The following CREB5 variants were observed in gnomAD, a reference collection of about 807,000 sequenced individuals.
CREB5 encodes the protein cyclic AMP-responsive element-binding protein 5.
In CREB5, 19 loss-of-function variants were observed where a neutral mutation model predicts 57.1. That is an observed-to-expected ratio of 0.33 (90% CI 0.23 to 0.49). The LOEUF is 0.49. CREB5 is among the 20% of genes least tolerant of loss of function. The pLI is 0.99. For synonymous variants in CREB5, 238 were observed against 238.3 expected, an observed-to-expected ratio of 1.00 and a Z score of 0.01; for missense variants, 579 against 671.6, an observed-to-expected ratio of 0.86 and a Z score of 1.52.
At chr7:28,551,982 TCTC>T (rs1296656514) in intron 4 of CREB5, among the ~76,000 whole-genome samples, 126 of 103,010 alleles carry the variant, frequency 1.2e-3, no homozygotes, top group South Asian at 1.6e-3. Context: ...TCTTTCTCTC[TCTC>T]TTTCTCTCTT....
intron 7 of CREB5, among the ~76,000 whole-genome samples, chr7:28,798,822 C>G (rs1253121333): frequency 6.6e-6 from 1 of 152,164 alleles, no homozygotes; most frequent in African/African-American, 2.4e-5. Context: ...GGTTTTATAG[C>G]TGAAAAATAT....
intron 7 of CREB5, among the ~76,000 whole-genome samples, chr7:28,728,680 C>T (rs561975111): frequency 6.6e-6 from 1 of 152,284 alleles, no homozygotes; most frequent in Admixed American, 6.5e-5. Context: ...TGAAGATGAT[C>T]TTTGCATCGT....
chr7:28,810,875 T>G (rs917569061), intron 9 of CREB5, among the ~76,000 whole-genome samples: 3 of 152,108 alleles, frequency 2.0e-5, no homozygotes, highest in Admixed American at 2.0e-4. Context: ...AAATTGAAAG[T>G]ATATAAGGAA....
At chr7:28,715,254 T>C (rs1213994152) in intron 5 of CREB5, among the ~76,000 whole-genome samples, 3 of 152,234 alleles carry the variant, frequency 2.0e-5, no homozygotes, top group Non-Finnish European at 4.4e-5. Context: ...GGAAACCCTG[T>C]ACGGCAAGTT....
intron 7 of CREB5, among the ~76,000 whole-genome samples, chr7:28,725,706 G>A (rs1356296293): frequency 6.6e-6 from 1 of 151,318 alleles, no homozygotes; most frequent in Non-Finnish European, 1.5e-5. Flanking sequence ...AAAATGAACT[G>A]TGAAGGTACT....
chr7:28,621,371 A>G (rs1045451959), intron 5 of CREB5, among the ~76,000 whole-genome samples: 2 of 152,216 alleles, frequency 1.3e-5, no homozygotes, highest in African/African-American at 4.8e-5. Context: ...GCCCCAAAAT[A>G]GATTTTAAAC....
chr7:28,811,418 C>CA (rs1809114020), intron 9 of CREB5, among the ~76,000 whole-genome samples: 1 of 152,080 alleles, frequency 6.6e-6, no homozygotes, highest in African/African-American at 2.4e-5. Flanking sequence ...AGACTTGTCT[C>CA]AAAAAAGACA....
rs529686829 is a variant in CREB5 at position 28,525,566 on chromosome 7, C to T, written c.291+17829C>T. Among the ~76,000 whole-genome samples the T allele has an allele frequency of 7.2e-5, 11 of 152,038 alleles. No individual in the cohort carries two copies. The South Asian group carries it at 2.1e-3, about 29-fold the overall frequency. On this transcript the variant is annotated intron_variant, in intron 4 of 10. Coordinates refer to ENST00000357727, the MANE Select transcript of CREB5 (RefSeq NM_182898.4). ...CTCATTGTGGTTTTGATTTGCGTTA[C>T]CCTGATGATTAGTGATGGTGAGCAT...
intron 4 of CREB5, among the ~76,000 whole-genome samples, chr7:28,560,857 TGCGTGTGCCTGCGTGCGC>T (rs1795110076): frequency 2.0e-5 from 1 of 51,018 alleles, no homozygotes; most frequent in East Asian, 7.2e-4. Flanking sequence ...CGTGTGTGTG[TGCGTGTGCCTGCGTGCGC>T]GTGCGTGCGT....
At chr7:28,692,061 A>C (rs1801297908) in intron 5 of CREB5, among the ~76,000 whole-genome samples, 1 of 150,778 alleles carries the variant, frequency 6.6e-6, no homozygotes, top group South Asian at 2.1e-4. Flanking sequence ...TGGCATGCGC[A>C]CGTAGTCCCA....
intron 9 of CREB5, among the ~76,000 whole-genome samples, chr7:28,817,716 A>G (rs1809520223): frequency 6.6e-6 from 1 of 152,188 alleles, no homozygotes; most frequent in African/African-American, 2.4e-5. Flanking sequence ...TCCCCATCTT[A>G]TAACGAGGTT....
chr7:28,385,775 A>G (rs569695644), intron 1 of CREB5, among the ~76,000 whole-genome samples: 2 of 152,300 alleles, frequency 1.3e-5, no homozygotes, highest in Non-Finnish European at 2.9e-5. Context: ...AATTATTACT[A>G]AAACAAAATA....
At chr7:28,693,325 G>A (rs1456611850) in intron 5 of CREB5, among the ~76,000 whole-genome samples, 1 of 152,202 alleles carries the variant, frequency 6.6e-6, no homozygotes, top group African/African-American at 2.4e-5. Flanking sequence ...AACTGGAATG[G>A]CTACCATGAA....
intron 1 of CREB5, among the ~76,000 whole-genome samples, chr7:28,360,540 T>C (rs1337036997): frequency 1.3e-5 from 2 of 151,914 alleles, no homozygotes; most frequent in African/African-American, 2.4e-5. Context: ...AAGCAGAGAG[T>C]ACTGTGGTGG....
rs557745885 is a variant in CREB5 at position 28,320,914 on chromosome 7, G to A, written c.-25+21473G>A. Among the ~76,000 whole-genome samples the A allele has an allele frequency of 7.9e-5, 12 of 152,312 alleles. No individual in the cohort carries two copies. In the South Asian group the frequency reaches 8.3e-4, roughly 11 times the overall value. ...AGGTGCAAGTATATGTAATTGATACGTAATGCAGAGAGGCAGAATGGGAGA... is the reference window on the plus strand; with the variant it reads ...AGGTGCAAGTATATGTAATTGATACATAATGCAGAGAGGCAGAATGGGAGA... On this transcript the variant is annotated intron_variant, in intron 1 of 9. Transcript: ENST00000396299.
intron 7 of CREB5, among the ~76,000 whole-genome samples, chr7:28,789,751 A>T (rs1807553356): frequency 6.6e-6 from 1 of 152,242 alleles, no homozygotes; most frequent in African/African-American, 2.4e-5. Context: ...AGCAATGAGT[A>T]TCAGTTTCAT....
intron 5 of CREB5, among the ~76,000 whole-genome samples, chr7:28,677,338 C>T (rs1437007140): frequency 6.6e-6 from 1 of 152,014 alleles, no homozygotes; most frequent in Non-Finnish European, 1.5e-5. Context: ...AAATAAGGCC[C>T]CACCTTGACC....
At chr7:28,472,835 G>A (rs1416625105) in intron 1 of CREB5, among the ~76,000 whole-genome samples, 1 of 152,174 alleles carries the variant, frequency 6.6e-6, no homozygotes, top group Admixed American at 6.5e-5. Context: ...AGCCCTGGTT[G>A]ATTTGAGGCT....
At chr7:28,472,668 C>T (rs1790879671) in intron 1 of CREB5, among the ~76,000 whole-genome samples, 2 of 152,122 alleles carry the variant, frequency 1.3e-5, no homozygotes, top group African/African-American at 2.4e-5. Flanking sequence ...CTATCTTGGT[C>T]CTGAGATGCC....
Sources: gnomAD v4.1 joint callset for allele counts (sites outside exome capture counted in the v4.1 genomes callset) on GRCh38, gnomAD v4.1.1 for gene constraint, MANE v1.5 for transcripts, NCBI Gene and HGNC (gene_info 2026-07-23, HGNC 2026-07-21) for gene names.